Variants in FRMD5 observed in about 807,000 individuals in gnomAD.
FRMD5 encodes FERM domain-containing protein 5.
In FRMD5, 20 loss-of-function variants were observed where a neutral mutation model predicts 69.0. The ratio of observed to expected loss-of-function variants is 0.29; its 90% CI spans 0.20 to 0.42. FRMD5 has a LOEUF of 0.42. Among genes scored for constraint, FRMD5 ranks in the 10% least tolerant of loss-of-function variants. The pLI is 1.00. For synonymous variants in FRMD5, 271 were observed against 260.1 expected, an observed-to-expected ratio of 1.04 and a Z score of -0.40; for missense variants, 595 against 708.6, an observed-to-expected ratio of 0.84 and a Z score of 1.82.
intron 1 of FRMD5, among the ~76,000 whole-genome samples, chr15:43,991,441 T>TTGCTGCTGC (rs971921092): frequency 6.6e-6 from 1 of 152,190 alleles, no homozygotes; most frequent in Non-Finnish European, 1.5e-5. Context: ...GGACAGGTCT[T>TTGCTGCTGC]TGCTGCTGCT....
At chr15:43,902,957 G>A (rs930429634) in intron 6 of FRMD5, among the ~76,000 whole-genome samples, 3 of 152,320 alleles carry the variant, frequency 2.0e-5, no homozygotes, top group Admixed American at 2.0e-4. Context: ...GGTGAGGAGA[G>A]GCAGGAGACA....
chr15:43,896,739 G>A (rs774540264), intron 7 of FRMD5, among the ~76,000 whole-genome samples: 2 of 152,206 alleles, frequency 1.3e-5, no homozygotes, highest in Non-Finnish European at 2.9e-5. Context: ...CAGCATTCTT[G>A]GTTGTTAGGC....
chr15:44,195,370 C>G (rs190168282), upstream of FRMD5: 2 of 411,194 alleles, frequency 4.9e-6, no homozygotes, highest in African/African-American at 2.1e-5. Flanking sequence ...AGTGGCAGAC[C>G]GAAAAGCCAA....
upstream of FRMD5, among the ~76,000 whole-genome samples, chr15:44,196,442 G>A (rs1389894406): frequency 6.6e-6 from 1 of 151,744 alleles, no homozygotes; most frequent in African/African-American, 2.4e-5. Context: ...TCCAGCCTGG[G>A]GGACAAGAGC....
At chr15:43,994,670 G>T (rs951143747) in intron 1 of FRMD5, among the ~76,000 whole-genome samples, 1 of 152,180 alleles carries the variant, frequency 6.6e-6, no homozygotes, top group Non-Finnish European at 1.5e-5. Context: ...GACCTCAAGT[G>T]ATCTACCAAC....
chr15:44,197,075 C>T (rs2078314911), upstream of FRMD5, among the ~76,000 whole-genome samples: 1 of 151,832 alleles, frequency 6.6e-6, no homozygotes, highest in Non-Finnish European at 1.5e-5. Flanking sequence ...GTGGCATGCG[C>T]CCGTGGTCCC....
intron 1 of FRMD5, among the ~76,000 whole-genome samples, chr15:43,934,922 T>C (rs138310303): frequency 1.3e-3 from 200 of 152,320 alleles, no homozygotes; most frequent in African/African-American, 4.7e-3. Flanking sequence ...TTGTATGATC[T>C]TGTGTATAAG....
intron 1 of FRMD5, among the ~76,000 whole-genome samples, chr15:44,156,335 G>A (rs1032499314): frequency 2.0e-5 from 3 of 151,774 alleles, no homozygotes; most frequent in African/African-American, 7.3e-5. Context: ...GTAGAGACGG[G>A]GTTTCACCAT....
chr15:43,930,610 T>A (rs1250088805), intron 1 of FRMD5, among the ~76,000 whole-genome samples: 1 of 152,334 alleles, frequency 6.6e-6, no homozygotes, highest in Non-Finnish European at 1.5e-5. Context: ...CACCAAATCC[T>A]TAAATACAGC....
chr15:44,083,898 G>A (rs1894090219), intron 1 of FRMD5, among the ~76,000 whole-genome samples: 1 of 151,938 alleles, frequency 6.6e-6, no homozygotes, highest in Non-Finnish European at 1.5e-5. Flanking sequence ...CATTTGTACT[G>A]TTTGATCTTA....
chr15:44,166,569 G>A (rs1254950827), intron 1 of FRMD5, among the ~76,000 whole-genome samples: 1 of 151,950 alleles, frequency 6.6e-6, no homozygotes, highest in Non-Finnish European at 1.5e-5. Flanking sequence ...TGGATCACTT[G>A]AGGTCAGGAG....
chr15:44,033,738 T>G (rs1891787668), intron 1 of FRMD5, among the ~76,000 whole-genome samples: 1 of 152,218 alleles, frequency 6.6e-6, no homozygotes, highest in Admixed American at 6.5e-5. Context: ...TCAAACTCCT[T>G]GAGTTCAAAT....
At chr15:43,894,823 CATT>C (rs2088876993) in intron 7 of FRMD5, among the ~76,000 whole-genome samples, 1 of 152,198 alleles carries the variant, frequency 6.6e-6, no homozygotes, top group African/African-American at 2.4e-5. Flanking sequence ...CTCTGCCACT[CATT>C]GTGTGGCTGT....
In FRMD5 at chr15:43,874,435, T is replaced by C; in HGVS notation, c.1163A>G (p.His388Arg). The change falls in exon 14 of 14, where the codon CAT becomes CGT. Residue 388 changes from histidine (H) to arginine (R), a missense_variant. By Grantham distance (29) the His-to-Arg change is conservative (BLOSUM62 0). Transcript: ENST00000417257. ...EGLESLRDSA[H>R]STPVRSTSHG... is the part of the protein sequence containing the mutation. Reference sequence around the variant, plus strand: ...GGAAGTGGAACGCACTGGTGTGGAATGGGCACTGTCCCGTAAGGACTCTAG... The same window carrying C: ...GGAAGTGGAACGCACTGGTGTGGAACGGGCACTGTCCCGTAAGGACTCTAG... The C allele has an allele frequency of 6.2e-7, 1 of 1,614,200 alleles. No individual in the cohort carries two copies. The highest frequency in any genetic ancestry group is 8.5e-7 in the Non-Finnish European group (1 of 1,180,020).
At chr15:44,119,242 G>T (rs903102242) in intron 1 of FRMD5, among the ~76,000 whole-genome samples, 3 of 152,118 alleles carry the variant, frequency 2.0e-5, no homozygotes, top group Non-Finnish European at 4.4e-5. Flanking sequence ...TTACAGGTGT[G>T]AGCCACTGCA....
chr15:43,999,967 T>TGCTATGC (rs758750918), intron 1 of FRMD5, among the ~76,000 whole-genome samples: 2 of 42,034 alleles, frequency 4.8e-5, no homozygotes, highest in Admixed American at 3.2e-4. Flanking sequence ...TATATATATA[T>TGCTATGC]ATATATATAT....
intron 1 of FRMD5, among the ~76,000 whole-genome samples, chr15:44,063,316 G>A (rs1190772002): frequency 6.6e-6 from 1 of 152,112 alleles, no homozygotes; most frequent in Non-Finnish European, 1.5e-5. Context: ...TGTCTCTCAA[G>A]AAATGTCATT....
At chr15:43,902,445 G>A (rs148928650) in intron 6 of FRMD5, among the ~76,000 whole-genome samples, 183 bp from the exon 7 acceptor site, 11 of 152,214 alleles carry the variant, frequency 7.2e-5, no homozygotes, top group Non-Finnish European at 1.0e-4. Flanking sequence ...GTCTTCAAAC[G>A]TTTTCAGAGT....
chr15:44,039,177 G>C (rs971821235), intron 1 of FRMD5, among the ~76,000 whole-genome samples: 1 of 152,250 alleles, frequency 6.6e-6, no homozygotes, highest in African/African-American at 2.4e-5. Flanking sequence ...CTCAGTCAGG[G>C]ACTTACAGAT....
Sources: gnomAD v4.1 joint callset for allele counts (sites outside exome capture counted in the v4.1 genomes callset) on GRCh38, gnomAD v4.1.1 for gene constraint, MANE v1.5 for transcripts, NCBI Gene and HGNC (gene_info 2026-07-23, HGNC 2026-07-21) for gene names.